Variants in BCAR3 observed in about 807,000 individuals in gnomAD.
The protein encoded by BCAR3 is BCAR3 adaptor protein, NSP family member.
BCAR3 carries 37 observed loss-of-function variants against 80.1 expected under a neutral mutation model. That is an observed-to-expected ratio of 0.46 (90% CI 0.36 to 0.61). BCAR3 has a LOEUF of 0.61. Among genes scored for constraint, BCAR3 ranks in the 20% least tolerant of loss-of-function variants. The probability of loss-of-function intolerance (pLI) is 0.00; values close to 1 mark genes in which losing one functional copy is unlikely to be tolerated. For synonymous variants in BCAR3, 389 were observed against 418.9 expected, an observed-to-expected ratio of 0.93 and a Z score of 0.87; for missense variants, 978 against 1,068.2, an observed-to-expected ratio of 0.92 and a Z score of 1.18.
At chr1:93,717,719 C>CAA (rs1230098499) in intron 2 of BCAR3, among the ~76,000 whole-genome samples, 42 of 57,554 alleles carry the variant, frequency 7.3e-4, no homozygotes, top group African/African-American at 1.5e-3. Flanking sequence ...GACTCCACCT[C>CAA]AAAAAAAAAA....
intron 3 of BCAR3, among the ~76,000 whole-genome samples, chr1:93,620,832 ATGT>A (rs1224672429): frequency 6.6e-6 from 1 of 152,098 alleles, no homozygotes; most frequent in Non-Finnish European, 1.5e-5. Context: ...AGCTCCTCAG[ATGT>A]TGTGACCCCT....
intron 2 of BCAR3, among the ~76,000 whole-genome samples, chr1:93,779,500 T>A (rs1332017817): frequency 6.6e-6 from 1 of 151,964 alleles, no homozygotes; most frequent in Non-Finnish European, 1.5e-5. Flanking sequence ...AAGAGGATAG[T>A]GAGTGATGAG....
At chr1:93,704,261 C>T (rs1649752195) in intron 3 of BCAR3, among the ~76,000 whole-genome samples, 1 of 150,904 alleles carries the variant, frequency 6.6e-6, no homozygotes, top group East Asian at 1.9e-4. Context: ...GGGCAAAAGT[C>T]CACATTTAGA....
At chr1:93,782,020 A>C (rs1040586058) in intron 2 of BCAR3, among the ~76,000 whole-genome samples, 1 of 152,194 alleles carries the variant, frequency 6.6e-6, no homozygotes, top group East Asian at 1.9e-4. Flanking sequence ...AAAGCCAGGG[A>C]AACCCAGATC....
intron 3 of BCAR3, among the ~76,000 whole-genome samples, chr1:93,700,769 G>A (rs1426991272): frequency 1.3e-5 from 2 of 152,202 alleles, no homozygotes; most frequent in South Asian, 2.1e-4. Flanking sequence ...GGACACAGTC[G>A]GGAGCTGTCT....
chr1:93,645,574 C>T (rs563683944), intron 2 of BCAR3, among the ~76,000 whole-genome samples: 182 of 148,710 alleles, frequency 1.2e-3, no homozygotes, highest in African/African-American at 4.1e-3. Flanking sequence ...TTTTTTTTTT[C>T]TTGCAAGCCA....
intron 2 of BCAR3, among the ~76,000 whole-genome samples, chr1:93,771,184 A>C (rs1465922422): frequency 2.0e-5 from 3 of 152,210 alleles, no homozygotes; most frequent in Non-Finnish European, 2.9e-5. Context: ...AGAAATGGAA[A>C]GATGAGGAAA....
chr1:93,603,470 C>T (rs1039535170), intron 3 of BCAR3, among the ~76,000 whole-genome samples: 8 of 152,244 alleles, frequency 5.3e-5, no homozygotes, highest in African/African-American at 1.9e-4. Flanking sequence ...GTCCCTGAGA[C>T]TTCTCTGCCT....
rs1287935032 is a variant in BCAR3 at position 93,674,870 on chromosome 1, G to GT, written c.60_61insA (p.Leu21ThrfsTer16). The GT allele has an allele frequency of 6.3e-7, 1 of 1,583,478 alleles. No individual in the cohort carries two copies. Among genetic ancestry groups the GT allele is most frequent in the Non-Finnish European group, 8.5e-7 (1 of 1,170,028 alleles). ...CTCAGAAGGTCCATGGATGAGGCCA[G>GT]GGGGAACTGGTGATTCACCGGCATG... On this transcript the variant is annotated frameshift_variant, in exon 2 of 12. Transcript: ENST00000260502. LOFTEE classifies it high-confidence loss of function.
Position 93,671,229 on chromosome 1 carries a change from G to A in BCAR3, c.317+3385C>T, listed in dbSNP as rs571371332. On this transcript the variant is annotated intron_variant, in intron 2 of 11. Transcript: ENST00000260502. ...AGGATGGTCTCGAACTCCTGACCTC[G>A]TGATCTGTCCACCTCGGCTGCCCAA... Among the ~76,000 whole-genome samples, 69 of 152,238 alleles carry A rather than the reference G, an allele frequency of 4.5e-4. No homozygotes were observed. The Middle Eastern group carries it at 0.017, about 38-fold the overall frequency.
In BCAR3 at chr1:93,576,086, A is replaced by G. The variant is rs1045069031; in HGVS notation, c.1730T>C (p.Met577Thr). ...LGVSEEMRRNMGVSSGLELIT... is the reference protein window; with the variant it reads ...LGVSEEMRRNTGVSSGLELIT... ...GAGTTCCAGGCCTGAGCTCACCCCC[A>G]TGTTCCTCCTCATCTCTTCAGAGAC... The change falls in exon 8 of 12, where the codon ATG becomes ACG. Residue 577 changes from methionine (M) to threonine (T), a missense_variant. By Grantham distance (81) the Met-to-Thr change is moderately conservative. Transcript: ENST00000260502. 6.2e-7 allele frequency: 1 copy of G among 1,614,054 alleles called. No individual in the cohort carries two copies. The highest frequency in any genetic ancestry group is 8.5e-7 in the Non-Finnish European group (1 of 1,179,992).
At chr1:93,642,236 A>G (rs1400566494) in intron 3 of BCAR3, 68 bp downstream of exon 3, 1 of 1,528,328 alleles carries the variant, frequency 6.5e-7, no homozygotes, top group Non-Finnish European at 9.1e-7. Flanking sequence ...TTATTTAGCA[A>G]CTCTGTGTTC....
intron 2 of BCAR3, among the ~76,000 whole-genome samples, chr1:93,653,970 G>A (rs567154158): frequency 1.1e-4 from 16 of 152,200 alleles, no homozygotes; most frequent in African/African-American, 3.4e-4. Context: ...CATCTCGCCA[G>A]CTCCACAATT....
rs115332129 is a variant in BCAR3 at position 93,662,387 on chromosome 1, C to T, written c.317+12227G>A. ...TAATGAATGGTTTTGGACTCTGGTG[C>T]TAGTCTTTCTTTCTCCCTCTCAAGT... On this transcript the variant is annotated intron_variant, in intron 2 of 11. Coordinates refer to ENST00000260502, the MANE Select transcript of BCAR3 (RefSeq NM_003567.4). Among the ~76,000 whole-genome samples the T allele has an allele frequency of 7.4e-3, 1,131 of 152,196 alleles. 13 individuals are homozygous for T. The highest frequency in any genetic ancestry group is 0.023 in the African/African-American group (966 of 41,510).
intron 3 of BCAR3, among the ~76,000 whole-genome samples, chr1:93,606,490 G>C (rs1489810784): frequency 2.6e-5 from 4 of 152,152 alleles, no homozygotes; most frequent in Non-Finnish European, 4.4e-5. Context: ...AGGAGGAAGG[G>C]GCATGGGCAT....
At chr1:93,654,573 A>G (rs1353585057) in intron 2 of BCAR3, among the ~76,000 whole-genome samples, 1 of 152,208 alleles carries the variant, frequency 6.6e-6, no homozygotes, top group Non-Finnish European at 1.5e-5. Flanking sequence ...CCGTGAGGTA[A>G]TGAATGGGTA....
chr1:93,769,104 G>T (rs1011447070), intron 2 of BCAR3, among the ~76,000 whole-genome samples: 1 of 152,122 alleles, frequency 6.6e-6, no homozygotes, highest in East Asian at 1.9e-4. Context: ...CCAACCCTGG[G>T]GGAGGAGACA....
At chr1:93,755,702 C>A (rs890148995) in intron 2 of BCAR3, among the ~76,000 whole-genome samples, 4 of 152,082 alleles carry the variant, frequency 2.6e-5, no homozygotes, top group Non-Finnish European at 4.4e-5. Context: ...CCAAATGTAT[C>A]CCCATCATTA....
chr1:93,696,119 T>C (rs898328623), intron 3 of BCAR3, among the ~76,000 whole-genome samples: 2 of 151,982 alleles, frequency 1.3e-5, no homozygotes, highest in Non-Finnish European at 2.9e-5. Flanking sequence ...AAGCTCATTG[T>C]AGCCTTGACC....
Sources: gnomAD v4.1 joint callset for allele counts (sites outside exome capture counted in the v4.1 genomes callset) on GRCh38, gnomAD v4.1.1 for gene constraint, MANE v1.5 for transcripts, NCBI Gene and HGNC (gene_info 2026-07-23, HGNC 2026-07-21) for gene names.